COL12A1: variants seen among roughly 807,000 people sequenced by gnomAD.
COL12A1 encodes collagen alpha-1(XII) chain.
Under a neutral mutation model 349.7 loss-of-function variants are expected in COL12A1, and 114 were observed. The ratio of observed to expected loss-of-function variants is 0.33; its 90% CI spans 0.28 to 0.38. The LOEUF is 0.38. Ranked by LOEUF, COL12A1 falls within the 10% of genes least tolerant of loss-of-function variation. The pLI, the probability that COL12A1 is intolerant of heterozygous loss-of-function variation, is 1.00. For missense variants in COL12A1, 3,284 were observed against 3,756.9 expected (o/e 0.87, Z 3.29); for synonymous variants, 1,369 against 1,329.0 (o/e 1.03, Z -0.66).
At chr6:75,143,686 T>C (rs969740094) in intron 25 of COL12A1, among the ~76,000 whole-genome samples, 2 of 152,214 alleles carry the variant, frequency 1.3e-5, no homozygotes, top group African/African-American at 2.4e-5. Flanking sequence ...CTCAACCCCA[T>C]AATAAATCAT....
intron 37 of COL12A1, among the ~76,000 whole-genome samples, chr6:75,129,483 T>C (rs1766192061): frequency 6.6e-6 from 1 of 152,198 alleles, no homozygotes; most frequent in African/African-American, 2.4e-5. Context: ...TTTCCATTTT[T>C]CCACTCATAA....
chr6:75,100,520 C>A (rs907906782), intron 58 of COL12A1, among the ~76,000 whole-genome samples: 23 of 152,146 alleles, frequency 1.5e-4, no homozygotes, highest in Non-Finnish European at 2.9e-4. Flanking sequence ...TCAAAAGAGT[C>A]AGAAGATGTG....
chr6:75,102,030 T>A lies in COL12A1; in HGVS notation c.8438A>T (p.Asp2813Val), dbSNP rs769870378. ...GEQGRQGMKG[D>V]AGEPGLPGRT... ...GCCTGGAAGTCCTGGCTCTCCAGCA[T>A]CACCTTTCATCCCTTGGCGACCCTA... Residue 2813 changes from aspartate (D) to valine (V), a missense_variant, in exon 57 of 66, where the codon GAT becomes GTT. By Grantham distance (152) the Asp-to-Val change is radical. Around this residue, in one of 2 missense-constraint regions of COL12A1, gnomAD observed 683 missense variants for 932.1 expected, o/e 0.73. Transcript: ENST00000322507. 1 of 1,614,154 alleles carries A rather than the reference T, an allele frequency of 6.2e-7. No individual in the cohort carries two copies. The highest frequency in any genetic ancestry group is 1.1e-5 in the South Asian group (1 of 91,078).
chr6:75,137,169 A>T (rs992932008), intron 31 of COL12A1, among the ~76,000 whole-genome samples: 1 of 152,186 alleles, frequency 6.6e-6, no homozygotes, highest in African/African-American at 2.4e-5. Context: ...ATAGTTTTTA[A>T]AGGAACTATG....
chr6:75,187,062 G>T (rs913130415), intron 8 of COL12A1, among the ~76,000 whole-genome samples: 2 of 151,542 alleles, frequency 1.3e-5, no homozygotes, highest in African/African-American at 4.9e-5. Context: ...TGTACAACAA[G>T]CCCCCATGAA....
At chr6:75,186,286 C>T (rs1769615338) in intron 8 of COL12A1, among the ~76,000 whole-genome samples, 1 of 152,094 alleles carries the variant, frequency 6.6e-6, no homozygotes, top group African/African-American at 2.4e-5. Flanking sequence ...CAACACACAA[C>T]CCCATTTAAA....
chr6:75,153,512 G>A (rs1215652028), intron 17 of COL12A1, among the ~76,000 whole-genome samples: 3 of 151,750 alleles, frequency 2.0e-5, no homozygotes, highest in Non-Finnish European at 2.9e-5. Context: ...TTTATTACAA[G>A]GTTAGCATTT....
intron 7 of COL12A1, among the ~76,000 whole-genome samples, chr6:75,188,791 C>A (rs764659902): frequency 7.2e-5 from 11 of 152,150 alleles, no homozygotes; most frequent in Admixed American, 3.3e-4. Flanking sequence ...TTCATCCCAA[C>A]CATACCATCG....
chr6:75,119,199 G>T lies in COL12A1; in HGVS notation c.7211-13C>A. 1.2e-6 allele frequency: 2 copies of T among 1,613,782 alleles called. No individual in the cohort carries two copies. The highest frequency in any genetic ancestry group is 1.7e-6 in the Non-Finnish European group (2 of 1,179,844). ...GTGAGGGCCTTGCCTACAGAATGTGGCATGGAAAATTTTAGTGTCACTTCA... is the reference window on the plus strand; with the variant it reads ...GTGAGGGCCTTGCCTACAGAATGTGTCATGGAAAATTTTAGTGTCACTTCA... On this transcript the variant is annotated splice_polypyrimidine_tract_variant and intron_variant, in intron 45 of 65. Transcript: ENST00000322507.
chr6:75,180,931 C>G lies in COL12A1; in HGVS notation c.2164+8G>C, dbSNP rs1350973472. ...TTCTGAATAACAGTGGCAGAAACCC[C>G]ATCACACCTTCTTCGGTGGTCTCCT... On this transcript the variant is annotated splice_region_variant and intron_variant, in intron 11 of 65. Coordinates refer to ENST00000322507, the MANE Select transcript of COL12A1 (RefSeq NM_004370.6). The G allele has an allele frequency of 6.8e-6, 11 of 1,606,884 alleles. No homozygotes were observed. The highest frequency in any genetic ancestry group is 9.4e-6 in the Non-Finnish European group (11 of 1,174,656).
intron 30 of COL12A1, among the ~76,000 whole-genome samples, chr6:75,137,938 C>T (rs240735): frequency 0.41 from 61,590 of 151,516 alleles, 13,739 homozygotes; most frequent in African/African-American, 0.62. Flanking sequence ...CTCTCCTCCA[C>T]GTGAGAGAGT....
intron 2 of COL12A1, among the ~76,000 whole-genome samples, chr6:75,197,315 T>TTTCTTTTC (rs10622845): frequency 4.9e-5 from 6 of 121,768 alleles, no homozygotes; most frequent in African/African-American, 9.4e-5. Context: ...TTTCTTTTCT[T>TTTCTTTTC]TTTTTTTTTT....
chr6:75,183,356 T>C lies in COL12A1; in HGVS notation c.1585A>G (p.Lys529Glu). Residue 529 changes from lysine (K) to glutamate (E), a missense_variant, in exon 10 of 66, where the codon AAA becomes GAA. Around this residue, in one of 2 missense-constraint regions of COL12A1, gnomAD observed 2,601 missense variants for 2,824.8 expected, o/e 0.92. Coordinates refer to ENST00000322507, the MANE Select transcript of COL12A1 (RefSeq NM_004370.6). ...GATCCCTTGCTAGGCACAAATATTT[T>C]CTCTCTGACATAAGTCATTGCTTTG... ...TGKAMTYVRE[K>E]IFVPSKGSRS... The C allele has an allele frequency of 6.2e-7, 1 of 1,614,224 alleles. No individual in the cohort carries two copies. Among genetic ancestry groups the C allele is most frequent in the Admixed American group, 1.7e-5 (1 of 60,018 alleles).
At chr6:75,186,974 T>C (rs970666132) in intron 8 of COL12A1, among the ~76,000 whole-genome samples, 2 of 150,626 alleles carry the variant, frequency 1.3e-5, no homozygotes, top group Non-Finnish European at 3.0e-5. Context: ...TATTGGAGGG[T>C]TGAAGGTAGG....
intron 31 of COL12A1, among the ~76,000 whole-genome samples, chr6:75,135,162 G>A (rs565622082): frequency 5.3e-5 from 8 of 151,734 alleles, no homozygotes; most frequent in Non-Finnish European, 4.4e-5. Context: ...AAAAAAGGGG[G>A]CGGGGGGGAC....
At position 75,124,095 on chromosome 6, in the gene COL12A1, C is replaced by A; in HGVS notation, c.6725-1G>T. On this transcript the variant is annotated splice_acceptor_variant, in intron 41 of 65. Transcript: ENST00000322507. LOFTEE classifies it high-confidence loss of function. Reference sequence around the variant, plus strand: ...ACTGTAATTTCTTGTCCCCTTGTTCCTGATTATGACAACAAAGGAAAATGC... The same window carrying A: ...ACTGTAATTTCTTGTCCCCTTGTTCATGATTATGACAACAAAGGAAAATGC... The A allele has an allele frequency of 6.2e-7, 1 of 1,611,596 alleles. No homozygotes were observed. The highest frequency in any genetic ancestry group is 8.5e-7 in the Non-Finnish European group (1 of 1,178,282).
intron 4 of COL12A1, 104 bp downstream of exon 4, chr6:75,192,108 C>G: frequency 1.1e-6 from 1 of 886,346 alleles, no homozygotes; most frequent in Non-Finnish European, 1.6e-6. Flanking sequence ...ATAGTTAGTA[C>G]TGCTGTAAAT....
chr6:75,109,480 A>T (rs1307820595), intron 51 of COL12A1, among the ~76,000 whole-genome samples: 1 of 152,120 alleles, frequency 6.6e-6, no homozygotes, highest in Non-Finnish European at 1.5e-5. Flanking sequence ...TGACTTTGTA[A>T]GCTATAAAGA....
At position 75,181,017 on chromosome 6, in the gene COL12A1, A is replaced by G. The variant is rs116691242; in HGVS notation, c.2086T>C (p.Leu696=). 3,999 of 1,614,050 alleles carry G rather than the reference A, an allele frequency of 2.5e-3. 88 individuals carry two copies. In the African/African-American group the frequency reaches 0.046, roughly 19 times the overall value. Residue 696 remains leucine, a synonymous_variant, in exon 11 of 66, where the codon TTG becomes CTG. Transcript: ENST00000322507. ...VVLSSLKPET[L]YLVNVTAEYE... ...TCCGCAGTCACATTGACCAAATACA[A>G]GGTCTCTGGCTTCAGGCTGCTGAGA... is the stretch of plus-strand genomic sequence containing the variant.
Sources: gnomAD v4.1 joint callset for allele counts (sites outside exome capture counted in the v4.1 genomes callset) on GRCh38, gnomAD v4.1.1 for gene constraint, gnomAD v4.1.1 regional missense constraint, MANE v1.5 for transcripts, NCBI Gene and HGNC (gene_info 2026-07-23, HGNC 2026-07-21) for gene names.